Variants in ARHGAP31 observed in about 807,000 individuals in gnomAD.
The protein encoded by ARHGAP31 is Rho GTPase activating protein 31, also known as rho GTPase-activating protein 31.
Under a neutral mutation model 113.9 loss-of-function variants are expected in ARHGAP31, and 34 were observed. The ratio of observed to expected loss-of-function variants is 0.30; its 90% CI spans 0.23 to 0.40. The LOEUF is 0.40. Ranked by LOEUF, ARHGAP31 falls within the 10% of genes least tolerant of loss-of-function variation. The pLI is 1.00. For synonymous variants in ARHGAP31, 650 were observed against 684.8 expected (o/e 0.95, Z 0.79); for missense variants, 1,548 against 1,767.1 (o/e 0.88, Z 2.22).
intron 1 of ARHGAP31, among the ~76,000 whole-genome samples, chr3:119,307,997 A>G (rs1300071161): frequency 6.8e-6 from 1 of 146,774 alleles, no homozygotes; most frequent in African/African-American, 2.5e-5. Flanking sequence ...AGCAGAGTAT[A>G]TAGATCAAGG....
chr3:119,354,570 C>G (rs1292446393), intron 1 of ARHGAP31, among the ~76,000 whole-genome samples: 1 of 151,602 alleles, frequency 6.6e-6, no homozygotes, highest in African/African-American at 2.4e-5. Flanking sequence ...TGCAGTGGTG[C>G]CATCTCAGCT....
rs767442270 is a variant in ARHGAP31, at chr3:119,390,931, G to A, written c.829G>A (p.Val277Ile). 2.5e-6 allele frequency: 4 copies of A among 1,614,158 alleles called. No homozygotes were observed. The highest frequency in any genetic ancestry group is 2.5e-6 in the Non-Finnish European group (3 of 1,180,038). ...ERRENSLPEI[V>I]PPMGTLFHTV... ...GAGGGAGAACAGCCTGCCTGAGATT[G>A]TCCCTCCCATGGGCACCCTCTTCCA... is the stretch of plus-strand genomic sequence containing the variant. The change falls in exon 7 of 12, where the codon GTC becomes ATC. Residue 277 changes from valine (V) to isoleucine (I), a missense_variant. Coordinates refer to ENST00000264245, the MANE Select transcript of ARHGAP31 (RefSeq NM_020754.4).
chr3:119,403,486 A>G, intron 10 of ARHGAP31, among the ~76,000 whole-genome samples: 1 of 152,210 alleles, frequency 6.6e-6, no homozygotes, highest in Non-Finnish European at 1.5e-5. Flanking sequence ...CCTTCCCCAC[A>G]GTGAGCTCAA....
intron 3 of ARHGAP31, among the ~76,000 whole-genome samples, chr3:119,378,636 G>A (rs780774754): frequency 6.6e-6 from 1 of 152,146 alleles, no homozygotes; most frequent in Non-Finnish European, 1.5e-5. Context: ...TGTGTGCACA[G>A]CAGAATGTGG....
intron 4 of ARHGAP31, 84 bp downstream of exon 4, chr3:119,381,070 C>G: frequency 7.4e-7 from 1 of 1,352,626 alleles, no homozygotes; most frequent in Non-Finnish European, 1.1e-6. Flanking sequence ...GGAAAGGAAA[C>G]AATGTGTGGA....
At chr3:119,346,207 C>T (rs2080055743) in intron 1 of ARHGAP31, among the ~76,000 whole-genome samples, 1 of 152,250 alleles carries the variant, frequency 6.6e-6, no homozygotes, top group Non-Finnish European at 1.5e-5. Flanking sequence ...CCTGCTACTT[C>T]CATCTCTTCA....
chr3:119,309,781 C>A (rs1316044334), intron 1 of ARHGAP31, among the ~76,000 whole-genome samples: 1 of 151,906 alleles, frequency 6.6e-6, no homozygotes, highest in Non-Finnish European at 1.5e-5. Flanking sequence ...CCCCCCACCA[C>A]AACCACCAGC....
At chr3:119,381,398 A>C (rs10222492) in intron 4 of ARHGAP31, among the ~76,000 whole-genome samples, 1 of 152,130 alleles carries the variant, frequency 6.6e-6, no homozygotes, top group Non-Finnish European at 1.5e-5. Context: ...TACCATCCCT[A>C]CCATCATCCC....
chr3:119,357,026 C>T (rs1181858241), intron 1 of ARHGAP31, among the ~76,000 whole-genome samples: 3 of 152,208 alleles, frequency 2.0e-5, no homozygotes, highest in African/African-American at 7.2e-5. Context: ...CATGAGAGTA[C>T]TTGTTTTCCC....
chr3:119,367,452 G>C (rs974552235), intron 2 of ARHGAP31, among the ~76,000 whole-genome samples: 3 of 152,048 alleles, frequency 2.0e-5, no homozygotes, highest in African/African-American at 7.2e-5. Context: ...GCCTGGAATT[G>C]GATGATGTCC....
chr3:119,319,667 G>A (rs1404319856), intron 1 of ARHGAP31, among the ~76,000 whole-genome samples: 4 of 152,020 alleles, frequency 2.6e-5, no homozygotes, highest in African/African-American at 4.8e-5. Context: ...GGCTCTAACA[G>A]ACTTTAATTT....
chr3:119,358,889 G>C lies in ARHGAP31; in HGVS notation c.101-6427G>C, dbSNP rs146497779. The stretch of plus-strand genomic sequence containing the variant: ...ATGGATATGGGTTCCTTTCTTGAGA[G>C]ATGAAAATGTTCTGGAATTAATGTG... On this transcript the variant is annotated intron_variant, in intron 1 of 11. Coordinates refer to ENST00000264245, the MANE Select transcript of ARHGAP31 (RefSeq NM_020754.4). 3.5e-4 allele frequency among the ~76,000 whole-genome samples: 53 copies of C among 152,270 alleles called. 1 individual carries two copies. The East Asian group carries it at 9.8e-3, about 28-fold the overall frequency.
rs548927602 is a variant in ARHGAP31, at chr3:119,392,446, TCAA to T, written c.882-999_882-997del. Among the ~76,000 whole-genome samples the T allele has an allele frequency of 8.3e-4, 126 of 152,040 alleles. 1 individual carries two copies. Among genetic ancestry groups the T allele is most frequent in the African/African-American group, 3.0e-3 (123 of 41,484 alleles). ...CTGGGTAACAGAGCGAGACCCTGTC[TCAA>T]CAACAACAACAACAACAACAAACAT... On this transcript the variant is annotated intron_variant, in intron 7 of 11. Coordinates refer to ENST00000264245, the MANE Select transcript of ARHGAP31 (RefSeq NM_020754.4).
Position 119,416,284 on chromosome 3 carries a change from G to A in ARHGAP31, c.*20G>A, listed in dbSNP as rs550067472. 6.2e-7 allele frequency: 1 copy of A among 1,611,892 alleles called. No individual in the cohort carries two copies. Among genetic ancestry groups the A allele is most frequent in the East Asian group, 2.2e-5 (1 of 44,886 alleles). ...GAATGATTTCGGTTCACCTGCTGGTGTCTGAAAAAAACCGTGATTCATCTG... is the reference window on the plus strand; with the variant it reads ...GAATGATTTCGGTTCACCTGCTGGTATCTGAAAAAAACCGTGATTCATCTG... On this transcript the variant is annotated 3_prime_UTR_variant, in exon 12 of 12. Coordinates refer to ENST00000264245, the MANE Select transcript of ARHGAP31 (RefSeq NM_020754.4).
At chr3:119,381,978 T>A (rs2080403958) in intron 4 of ARHGAP31, among the ~76,000 whole-genome samples, 3 of 107,750 alleles carry the variant, frequency 2.8e-5, no homozygotes, top group Admixed American at 1.3e-4. Flanking sequence ...AGAGCGAGAC[T>A]CCGTCTCAAA....
chr3:119,375,474 G>A (rs547186985), intron 3 of ARHGAP31, among the ~76,000 whole-genome samples: 2 of 152,284 alleles, frequency 1.3e-5, no homozygotes, highest in East Asian at 1.9e-4. Flanking sequence ...GACGCACCCA[G>A]ATAATCGAGG....
rs1450369785 is a variant in ARHGAP31 at position 119,415,074 on chromosome 3, C to T, written c.3145C>T (p.His1049Tyr). The change falls in exon 12 of 12, where the codon CAC becomes TAC. Residue 1049 changes from histidine to tyrosine, a missense_variant. Transcript: ENST00000264245. Reference sequence around the variant, plus strand: ...AGCAGAGGGAAAGGAGCTAGGGACACACCTGGGGCACAGCAGTCCACAGAT... The same window carrying T: ...AGCAGAGGGAAAGGAGCTAGGGACATACCTGGGGCACAGCAGTCCACAGAT... ...SLAEGKELGTHLGHSSPQIRQ... is the reference protein window; with the variant it reads ...SLAEGKELGTYLGHSSPQIRQ... 1.2e-6 allele frequency: 2 copies of T among 1,612,928 alleles called. No individual in the cohort carries two copies. Among genetic ancestry groups the T allele is most frequent in the Non-Finnish European group, 1.7e-6 (2 of 1,178,944 alleles).
intron 1 of ARHGAP31, among the ~76,000 whole-genome samples, chr3:119,335,517 G>A (rs1217049166): frequency 2.0e-5 from 3 of 152,140 alleles, no homozygotes; most frequent in Non-Finnish European, 2.9e-5. Context: ...GTGGAAATGC[G>A]TTCTCCTTGG....
intron 1 of ARHGAP31, among the ~76,000 whole-genome samples, chr3:119,351,582 C>A (rs1577007648): frequency 6.6e-6 from 1 of 151,694 alleles, no homozygotes; most frequent in Non-Finnish European, 1.5e-5. Context: ...ATGGTTAATT[C>A]ATCCCCATAA....
Sources: gnomAD v4.1 joint callset for allele counts (sites outside exome capture counted in the v4.1 genomes callset) on GRCh38, gnomAD v4.1.1 for gene constraint, MANE v1.5 for transcripts, NCBI Gene and HGNC (gene_info 2026-07-23, HGNC 2026-07-21) for gene names.